KLF17: variants seen among roughly 807,000 people sequenced by gnomAD.
The protein encoded by KLF17 is Krueppel-like factor 17.
In KLF17, 31 loss-of-function variants were observed where a neutral mutation model predicts 34.2. The ratio of observed to expected loss-of-function variants is 0.91; its 90% CI spans 0.68 to 1.22. The LOEUF is 1.22. KLF17 is among the 50% of genes most tolerant of loss of function. The pLI is 0.00. For synonymous variants in KLF17, 179 were observed against 186.7 expected, an observed-to-expected ratio of 0.96 and a Z score of 0.34; for missense variants, 478 against 505.2, an observed-to-expected ratio of 0.95 and a Z score of 0.52.
upstream of KLF17, among the ~76,000 whole-genome samples, chr1:44,117,776 T>C (rs914989631): frequency 6.6e-6 from 1 of 152,168 alleles, no homozygotes; most frequent in African/African-American, 2.4e-5. Flanking sequence ...GTTGCAGGCG[T>C]GAACCACTGC....
At chr1:44,085,807 C>A in the KLF17 span, among the ~76,000 whole-genome samples, 154 of 63,632 alleles carry the variant, frequency 2.4e-3, no homozygotes, top group Non-Finnish European at 2.4e-3. Flanking sequence ...TCTGTCTCAA[C>A]AAAAAAAAAA....
the KLF17 span, among the ~76,000 whole-genome samples, chr1:44,053,161 A>G: frequency 6.6e-6 from 1 of 152,174 alleles, no homozygotes; most frequent in African/African-American, 2.4e-5. Context: ...TTGGCCTCTC[A>G]AAGTGCTAGG....
At chr1:44,099,541 A>G in the KLF17 span, among the ~76,000 whole-genome samples, 3 of 152,082 alleles carry the variant, frequency 2.0e-5, no homozygotes, top group South Asian at 6.2e-4. Flanking sequence ...GCACTTTGGG[A>G]GGCCAAGGCA....
intron 3 of KLF17, among the ~76,000 whole-genome samples, chr1:44,131,912 C>G (rs1557734624): frequency 6.6e-6 from 1 of 152,120 alleles, no homozygotes; most frequent in African/African-American, 2.4e-5. Context: ...CCAGACTAAT[C>G]TCAAACTCCT....
At chr1:44,118,020 G>A (rs929391696), upstream of KLF17, among the ~76,000 whole-genome samples, 1 of 152,088 alleles carries the variant, frequency 6.6e-6, no homozygotes, top group Non-Finnish European at 1.5e-5. Flanking sequence ...TGGTATCACC[G>A]TGGTCACCTT....
At chr1:44,105,155 A>G in the KLF17 span, 1 of 152,118 alleles carries the variant, frequency 6.6e-6, no homozygotes. Flanking sequence ...AGAGATGTGT[A>G]TATAAGTGGT....
the KLF17 span, among the ~76,000 whole-genome samples, chr1:44,110,956 T>TA: frequency 1.3e-5 from 2 of 150,568 alleles, no homozygotes; most frequent in Non-Finnish European, 3.0e-5. Context: ...AACCCCATCT[T>TA]AAAAAAAAAT....
the KLF17 span, among the ~76,000 whole-genome samples, chr1:44,078,594 C>G: frequency 6.6e-6 from 1 of 152,076 alleles, no homozygotes; most frequent in East Asian, 1.9e-4. Flanking sequence ...CGTGCCAGTA[C>G]GCCCGGCTAA....
At chr1:44,129,021 G>GA (rs113210256) in intron 1 of KLF17, among the ~76,000 whole-genome samples, 19,788 of 144,212 alleles carry the variant, frequency 0.14, 3,023 homozygotes, top group African/African-American at 0.38. Flanking sequence ...TCAATAAAAA[G>GA]AAAAAAAAAA....
the KLF17 span, among the ~76,000 whole-genome samples, chr1:44,108,208 C>T: frequency 1.3e-5 from 2 of 152,176 alleles, no homozygotes; most frequent in Admixed American, 1.3e-4. Context: ...CCCTTATATG[C>T]GTGCTGGGAA....
intron 1 of KLF17, among the ~76,000 whole-genome samples, chr1:44,128,506 A>G (rs2088055404): frequency 6.6e-6 from 1 of 151,746 alleles, no homozygotes; most frequent in Admixed American, 6.6e-5. Flanking sequence ...TGTTTTTTTC[A>G]CATCTGCCTT....
Position 44,128,326 on chromosome 1 carries a change from T to C in KLF17, c.82-1027T>C, listed in dbSNP as rs192804234. Among the ~76,000 whole-genome samples, 463 of 152,278 alleles carry C rather than the reference T, an allele frequency of 3.0e-3. 1 individual carries two copies. Among genetic ancestry groups the C allele is most frequent in the Middle Eastern group, 6.8e-3 (2 of 294 alleles). ...CTCCCAAAGTGCTGGGATTACCTAG[T>C]TGTGAGCCGCTGCGCCTGGACTACT... On this transcript the variant is annotated intron_variant, in intron 1 of 3. Transcript: ENST00000372299.
chr1:44,126,301 A>G (rs2088007782), intron 1 of KLF17, among the ~76,000 whole-genome samples: 1 of 152,196 alleles, frequency 6.6e-6, no homozygotes, highest in Non-Finnish European at 1.5e-5. Context: ...CTGGGATAAC[A>G]GGCGTGAGCC....
the KLF17 span, chr1:44,052,233 C>A: frequency 6.6e-6 from 1 of 152,318 alleles, no homozygotes; most frequent in South Asian, 2.1e-4. Context: ...CTTGGTCTTG[C>A]CTTTTTCTGC....
the KLF17 span, among the ~76,000 whole-genome samples, chr1:44,054,209 CA>C: frequency 3.9e-5 from 6 of 152,262 alleles, no homozygotes; most frequent in East Asian, 1.2e-3. Flanking sequence ...CCCCTGACAT[CA>C]GGAGGAAGCT....
intron 1 of KLF17, among the ~76,000 whole-genome samples, chr1:44,124,441 T>C (rs2087984215): frequency 6.6e-6 from 1 of 151,428 alleles, no homozygotes. Context: ...GTGATTCTCC[T>C]GCCTCAGCCT....
the KLF17 span, among the ~76,000 whole-genome samples, chr1:44,077,174 G>A: frequency 3.3e-5 from 5 of 151,740 alleles, no homozygotes; most frequent in African/African-American, 4.8e-5. Context: ...GTGAAACCCC[G>A]CCTCCACTAA....
intron 3 of KLF17, among the ~76,000 whole-genome samples, 200 bp from the exon 4 acceptor site, chr1:44,133,036 CAG>C (rs1400571920): frequency 6.6e-6 from 1 of 152,122 alleles, no homozygotes; most frequent in Non-Finnish European, 1.5e-5. Context: ...GTGCCAAGCA[CAG>C]AGAGATGAAT....
At position 44,134,567 on chromosome 1, in the gene KLF17, T is replaced by C. The variant is rs758178478; in HGVS notation, c.*1330T>C. On this transcript the variant is annotated 3_prime_UTR_variant, in exon 4 of 4. Coordinates refer to ENST00000372299, the MANE Select transcript of KLF17 (RefSeq NM_173484.4). ...AAAAAGACCTGTGGACTCTAGTAGA[T>C]TTTGAATCCTGCCTCTGCCATTTCC... is the stretch of plus-strand genomic sequence containing the variant. The C allele has an allele frequency of 1.3e-5, 2 of 152,148 alleles. No individual in the cohort carries two copies. The highest frequency in any genetic ancestry group is 2.9e-5 in the Non-Finnish European group (2 of 68,024). The allele number at this position is 152,148 out of a possible 1,614,324, so 9.4% of individuals were successfully genotyped here.
Sources: allele counts gnomAD v4.1 joint callset (sites outside exome capture counted in the v4.1 genomes callset), GRCh38; gene constraint gnomAD v4.1.1; transcripts MANE v1.5; gene names NCBI Gene and HGNC (gene_info 2026-07-23, HGNC 2026-07-21).